Variants in DDAH1 observed in about 807,000 individuals in gnomAD.
The protein encoded by DDAH1 is N(G),N(G)-dimethylarginine dimethylaminohydrolase 1.
In DDAH1, 19 loss-of-function variants were observed where a neutral mutation model predicts 28.8. The observed-to-expected ratio is 0.66, with a 90% confidence interval of 0.46 to 0.97. The LOEUF (loss-of-function observed/expected upper bound fraction) is 0.97, where lower values mean the gene tolerates loss of function less well. DDAH1 is among the 50% of genes least tolerant of loss of function. DDAH1 has a pLI of 0.00. For missense variants in DDAH1, 326 were observed against 375.9 expected (o/e 0.87, Z 1.10); for synonymous variants, 153 against 154.4 (o/e 0.99, Z 0.07).
intron 1 of DDAH1, among the ~76,000 whole-genome samples, chr1:85,560,043 G>A (rs1659096235): frequency 1.3e-5 from 2 of 151,830 alleles, no homozygotes; most frequent in African/African-American, 4.8e-5. Context: ...GTGATAAGGA[G>A]AAAATACCAA....
At chr1:85,415,695 A>C (rs905074291) in intron 1 of DDAH1, among the ~76,000 whole-genome samples, 1 of 152,208 alleles carries the variant, frequency 6.6e-6, no homozygotes, top group Non-Finnish European at 1.5e-5. Context: ...TAGACAAGTA[A>C]TGAAATAATG....
intron 1 of DDAH1, among the ~76,000 whole-genome samples, chr1:85,360,722 A>C (rs1297249595): frequency 1.3e-5 from 2 of 152,216 alleles, no homozygotes; most frequent in Non-Finnish European, 2.9e-5. Flanking sequence ...TCAATTCTTA[A>C]AAGTTAGAGG....
At chr1:85,325,584 G>A (rs572422617) in intron 4 of DDAH1, among the ~76,000 whole-genome samples, 5 of 151,762 alleles carry the variant, frequency 3.3e-5, no homozygotes, top group African/African-American at 9.7e-5. Context: ...TTGAGGCAGA[G>A]GTTCCCTGGA....
intron 1 of DDAH1, among the ~76,000 whole-genome samples, chr1:85,365,185 T>C (rs1401003773): frequency 6.6e-6 from 1 of 152,206 alleles, no homozygotes; most frequent in African/African-American, 2.4e-5. Context: ...TCATAGCAAG[T>C]AAGCAGAGAG....
At chr1:85,498,219 C>T (rs1055906757) in intron 1 of DDAH1, among the ~76,000 whole-genome samples, 1 of 152,146 alleles carries the variant, frequency 6.6e-6, no homozygotes. Context: ...ATAGCGGTGA[C>T]TTCCCTCAAG....
intron 1 of DDAH1, among the ~76,000 whole-genome samples, chr1:85,437,292 G>A (rs999911433): frequency 3.9e-5 from 6 of 152,056 alleles, no homozygotes; most frequent in Non-Finnish European, 7.4e-5. Context: ...TTAGTTATCC[G>A]AGTCTTCCCA....
At chr1:85,570,225 G>A (rs1030704664) in intron 1 of DDAH1, among the ~76,000 whole-genome samples, 28 of 152,072 alleles carry the variant, frequency 1.8e-4, no homozygotes, top group Non-Finnish European at 3.7e-4. Context: ...TTGCTACCAC[G>A]TGGCCTCAAA....
At chr1:85,519,342 C>T (rs1415419766) in intron 1 of DDAH1, among the ~76,000 whole-genome samples, 3 of 152,060 alleles carry the variant, frequency 2.0e-5, no homozygotes, top group Non-Finnish European at 4.4e-5. Flanking sequence ...GTGATCCGCC[C>T]GCCGTGGCGT....
intron 1 of DDAH1, among the ~76,000 whole-genome samples, chr1:85,445,017 G>A (rs61783053): frequency 0.087 from 13,200 of 152,154 alleles, 626 homozygotes; most frequent in Middle Eastern, 0.13. Context: ...GAAGCATCGC[G>A]CACAGGAGAA....
chr1:85,384,798 C>T (rs185854840), intron 1 of DDAH1, among the ~76,000 whole-genome samples: 10 of 152,210 alleles, frequency 6.6e-5, no homozygotes, highest in African/African-American at 2.4e-4. Flanking sequence ...GAAGGGAGGT[C>T]TAGAAATTGC....
At chr1:85,557,125 TAGAAA>T (rs1170057809) in intron 1 of DDAH1, among the ~76,000 whole-genome samples, 1 of 151,724 alleles carries the variant, frequency 6.6e-6, no homozygotes, top group African/African-American at 2.4e-5. Context: ...TCAAAAGAAA[TAGAAA>T]AGAAAAGAAT....
At chr1:85,471,229 T>C (rs11161621) in intron 2 of DDAH1, among the ~76,000 whole-genome samples, 74,580 of 152,002 alleles carry the variant, frequency 0.49, 18,778 homozygotes, top group East Asian at 0.75. Context: ...CGGCCCCTAT[T>C]CTATGGTTCC....
At chr1:85,439,301 T>C (rs189930822) in intron 1 of DDAH1, among the ~76,000 whole-genome samples, 1 of 152,220 alleles carries the variant, frequency 6.6e-6, no homozygotes, top group Non-Finnish European at 1.5e-5. Flanking sequence ...GCTAGAACTG[T>C]GGAAGCTAAA....
chr1:85,537,801 T>C (rs1432997865), intron 1 of DDAH1, among the ~76,000 whole-genome samples: 2 of 151,558 alleles, frequency 1.3e-5, no homozygotes. Context: ...CATATTTTAA[T>C]TGTTCTCATT....
chr1:85,468,987 A>G (rs1655521045), upstream of DDAH1, among the ~76,000 whole-genome samples: 1 of 152,214 alleles, frequency 6.6e-6, no homozygotes, highest in Non-Finnish European at 1.5e-5. Flanking sequence ...GTGGGGACAC[A>G]GTCAAACCAT....
At position 85,418,291 on chromosome 1, in the gene DDAH1, T is replaced by C. The variant is rs187756910; in HGVS notation, c.303+46452A>G. 6.6e-5 allele frequency among the ~76,000 whole-genome samples: 10 copies of C among 152,330 alleles called. No individual in the cohort carries two copies. In the East Asian group the frequency reaches 1.5e-3, roughly 23 times the overall value. On this transcript the variant is annotated intron_variant, in intron 1 of 5. Transcript: ENST00000284031. ...CCAACAATTCAGGGTCTCTCTACAA[T>C]GTAACAAGTGAAAACATGAAAGGTT... is the stretch of plus-strand genomic sequence containing the variant.
intron 2 of DDAH1, among the ~76,000 whole-genome samples, chr1:85,482,705 T>C (rs1002447362): frequency 6.6e-6 from 1 of 152,186 alleles, no homozygotes; most frequent in African/African-American, 2.4e-5. Context: ...AGGGATGAAA[T>C]GTGGATGGAC....
chr1:85,475,513 A>T (rs1351663776), intron 2 of DDAH1, among the ~76,000 whole-genome samples: 1 of 152,218 alleles, frequency 6.6e-6, no homozygotes, highest in Admixed American at 6.5e-5. Context: ...CTGAATGGGA[A>T]CCTTCTTATA....
chr1:85,507,657 C>T (rs984411919), intron 1 of DDAH1, among the ~76,000 whole-genome samples: 1 of 152,080 alleles, frequency 6.6e-6, no homozygotes, highest in Admixed American at 6.5e-5. Flanking sequence ...AATATATGCT[C>T]ATATTCAGGT....
Sources: allele counts gnomAD v4.1 joint callset (sites outside exome capture counted in the v4.1 genomes callset), GRCh38; gene constraint gnomAD v4.1.1; transcripts MANE v1.5; gene names NCBI Gene and HGNC (gene_info 2026-07-23, HGNC 2026-07-21).